Variants in NBAS observed in about 807,000 individuals in gnomAD.
NBAS encodes the protein NAG/BC035112 fusion.
Under a neutral mutation model 302.5 loss-of-function variants are expected in NBAS, and 219 were observed. The ratio of observed to expected loss-of-function variants is 0.72; its 90% CI spans 0.65 to 0.81. NBAS has a LOEUF of 0.81. Among genes scored for constraint, NBAS ranks in the 30% least tolerant of loss-of-function variants. NBAS has a pLI of 0.00. For synonymous variants in NBAS, 1,118 were observed against 1,021.6 expected, an observed-to-expected ratio of 1.09 and a Z score of -1.80; for missense variants, 2,932 against 2,841.6, an observed-to-expected ratio of 1.03 and a Z score of -0.72.
the NBAS span, among the ~76,000 whole-genome samples, chr2:15,082,446 T>C: frequency 1.3e-5 from 2 of 152,148 alleles, no homozygotes; most frequent in African/African-American, 4.8e-5. Flanking sequence ...CAGCAGACCA[T>C]CTAGACTCAC....
chr2:15,451,734 TA>T (rs1679023681), intron 21 of NBAS, among the ~76,000 whole-genome samples: 1 of 151,938 alleles, frequency 6.6e-6, no homozygotes, highest in Non-Finnish European at 1.5e-5. Flanking sequence ...TCCACAAGAG[TA>T]AAATAAAGTA....
At chr2:15,151,913 T>A in the NBAS span, among the ~76,000 whole-genome samples, 1 of 152,102 alleles carries the variant, frequency 6.6e-6, no homozygotes, top group African/African-American at 2.4e-5. Flanking sequence ...AGTGGCGCAA[T>A]CTCGGCTCAC....
chr2:15,382,412 CACAAATAA>C (rs1340766389), intron 29 of NBAS, among the ~76,000 whole-genome samples: 6 of 152,092 alleles, frequency 3.9e-5, no homozygotes, highest in African/African-American at 1.4e-4. Flanking sequence ...GGAAGCAATG[CACAAATAA>C]ACAAATAACT....
intron 10 of NBAS, among the ~76,000 whole-genome samples, chr2:15,507,622 C>T (rs962250322): frequency 2.0e-5 from 3 of 152,162 alleles, no homozygotes; most frequent in Admixed American, 2.0e-4. Context: ...AATTCAAACA[C>T]CAGCCTTCTG....
the NBAS span, among the ~76,000 whole-genome samples, chr2:15,114,340 G>A: frequency 1.3e-5 from 2 of 152,128 alleles, no homozygotes; most frequent in Non-Finnish European, 2.9e-5. Context: ...CTCTCCTGGT[G>A]TCCTCAAGTG....
intron 31 of NBAS, among the ~76,000 whole-genome samples, chr2:15,370,203 T>C (rs13408776): frequency 0.04 from 6,066 of 152,276 alleles, 406 homozygotes; most frequent in African/African-American, 0.14. Context: ...TCTAACTAGC[T>C]GGATGACCCT....
intron 42 of NBAS, among the ~76,000 whole-genome samples, chr2:15,278,021 T>TG (rs1669664700): frequency 6.6e-6 from 1 of 152,138 alleles, no homozygotes; most frequent in African/African-American, 2.4e-5. Context: ...CAGAAGCATC[T>TG]GGGGGCAGTA....
chr2:15,390,806 G>A (rs919242277), intron 28 of NBAS, among the ~76,000 whole-genome samples: 15 of 151,944 alleles, frequency 9.9e-5, no homozygotes, highest in African/African-American at 3.6e-4. Flanking sequence ...AATTCATAAT[G>A]TCTAGTATTC....
chr2:15,535,219 T>G lies in NBAS; in HGVS notation c.648-578A>C, dbSNP rs184213771. On this transcript the variant is annotated intron_variant, in intron 8 of 51. Transcript: ENST00000281513. ...ACAAAATCTGTAAGTGTTTAAGCCC[T>G]TGATATAAAATGGCATAGTAGGCCA... Among the ~76,000 whole-genome samples, 311 of 152,266 alleles carry G rather than the reference T, an allele frequency of 2.0e-3. 2 individuals carry two copies. The highest frequency in any genetic ancestry group is 7.0e-3 in the African/African-American group (291 of 41,556).
intron 25 of NBAS, among the ~76,000 whole-genome samples, chr2:15,404,802 T>C (rs1676331135): frequency 1.3e-5 from 2 of 152,264 alleles, no homozygotes; most frequent in South Asian, 4.2e-4. Flanking sequence ...CATGAGCCAC[T>C]GCGCCCGGCC....
intron 48 of NBAS, among the ~76,000 whole-genome samples, chr2:15,204,715 T>C (rs1214931253): frequency 6.6e-6 from 1 of 152,146 alleles, no homozygotes; most frequent in Non-Finnish European, 1.5e-5. Flanking sequence ...TGTAGGGACA[T>C]GGATGAAGCT....
At chr2:15,102,558 C>G in the NBAS span, among the ~76,000 whole-genome samples, 16 of 152,308 alleles carry the variant, frequency 1.1e-4, no homozygotes, top group Admixed American at 5.2e-4. Flanking sequence ...CTCCTAAAGG[C>G]AGGCCTTTTA....
chr2:15,079,249 A>C, the NBAS span, among the ~76,000 whole-genome samples: 1 of 152,128 alleles, frequency 6.6e-6, no homozygotes, highest in Non-Finnish European at 1.5e-5. Context: ...ACTGGGATGA[A>C]ATAAGAAACC....
intron 25 of NBAS, among the ~76,000 whole-genome samples, chr2:15,406,914 C>T (rs182296326): frequency 5.3e-4 from 80 of 152,226 alleles, no homozygotes; most frequent in Admixed American, 1.2e-3. Context: ...TGTGGAGAAA[C>T]GGGCATACTC....
chr2:14,801,132 T>C, the NBAS span, among the ~76,000 whole-genome samples: 5 of 152,180 alleles, frequency 3.3e-5, no homozygotes, highest in Non-Finnish European at 7.3e-5. Context: ...ATCACTATCT[T>C]TAAAATTTAC....
intron 9 of NBAS, among the ~76,000 whole-genome samples, chr2:15,518,082 T>C (rs940011253): frequency 2.7e-5 from 4 of 148,268 alleles, no homozygotes; most frequent in East Asian, 2.0e-4. Context: ...CAAGATACAA[T>C]GTCCCAAATT....
intron 48 of NBAS, among the ~76,000 whole-genome samples, chr2:15,213,434 C>G (rs1387186904): frequency 1.2e-4 from 19 of 152,176 alleles, no homozygotes; most frequent in Admixed American, 1.2e-3. Flanking sequence ...TTCTGTCAAA[C>G]CCCTGATTTC....
At chr2:14,831,357 AATAAT>A in the NBAS span, among the ~76,000 whole-genome samples, 1 of 152,208 alleles carries the variant, frequency 6.6e-6, no homozygotes, top group African/African-American at 2.4e-5. Context: ...GTGGGGATAA[AATAAT>A]ATATTAAAAA....
At chr2:15,251,633 G>A (rs1210839263) in intron 44 of NBAS, among the ~76,000 whole-genome samples, 2 of 152,098 alleles carry the variant, frequency 1.3e-5, no homozygotes, top group Non-Finnish European at 2.9e-5. Context: ...CCCCTTTTTA[G>A]ATCATATAGG....
Sources: allele counts gnomAD v4.1 joint callset (sites outside exome capture counted in the v4.1 genomes callset), GRCh38; gene constraint gnomAD v4.1.1; transcripts MANE v1.5; gene names NCBI Gene and HGNC (gene_info 2026-07-23, HGNC 2026-07-21).